Variants in NAALADL2 observed in about 807,000 individuals in gnomAD.
NAALADL2 encodes N-acetylated alpha-linked acidic dipeptidase like 2, also known as inactive N-acetylated-alpha-linked acidic dipeptidase-like protein 2.
A neutral mutation model predicts 87.2 loss-of-function variants in NAALADL2; 76 were observed. The observed-to-expected ratio is 0.87, with a 90% CI of 0.72 to 1.05. The LOEUF (loss-of-function observed/expected upper bound fraction) is 1.05, where lower values mean the gene tolerates loss of function less well. NAALADL2 is among the 50% of genes least tolerant of loss of function. The probability of loss-of-function intolerance (pLI) is 0.00; values close to 1 mark genes in which losing one functional copy is unlikely to be tolerated. For synonymous variants in NAALADL2, 354 were observed against 331.0 expected (o/e 1.07, Z -0.75); for missense variants, 1,089 against 945.8 (o/e 1.15, Z -1.99).
intron 2 of NAALADL2, among the ~76,000 whole-genome samples, chr3:175,166,913 C>T (rs1005186812): frequency 6.6e-6 from 1 of 152,100 alleles, no homozygotes; most frequent in Non-Finnish European, 1.5e-5. Context: ...TTCCACCCAG[C>T]TGCTCAGCCC....
intron 1 of NAALADL2, among the ~76,000 whole-genome samples, chr3:174,942,571 G>A (rs557514075): frequency 1.3e-5 from 2 of 152,118 alleles, no homozygotes; most frequent in Non-Finnish European, 2.9e-5. Context: ...GAATCTGACT[G>A]TTGGGCTCTA....
intron 4 of NAALADL2, among the ~76,000 whole-genome samples, chr3:175,272,409 T>C (rs1485550556): frequency 6.6e-6 from 1 of 152,182 alleles, no homozygotes; most frequent in Non-Finnish European, 1.5e-5. Context: ...ATGAGGACTG[T>C]GTAGGTCTCA....
At chr3:175,666,389 T>C (rs1463537479) in intron 11 of NAALADL2, among the ~76,000 whole-genome samples, 1 of 152,212 alleles carries the variant, frequency 6.6e-6, no homozygotes, top group Admixed American at 6.5e-5. Context: ...ATTCTAATAT[T>C]TGCACATGTT....
chr3:175,463,041 C>T (rs762756882), intron 6 of NAALADL2, among the ~76,000 whole-genome samples: 18 of 152,254 alleles, frequency 1.2e-4, no homozygotes, highest in East Asian at 1.9e-4. Flanking sequence ...ATATTTTAAT[C>T]TATTTTTTTC....
At chr3:175,392,523 A>G (rs1459242284) in intron 5 of NAALADL2, among the ~76,000 whole-genome samples, 1 of 152,156 alleles carries the variant, frequency 6.6e-6, no homozygotes, top group Non-Finnish European at 1.5e-5. Flanking sequence ...TAAAATACCT[A>G]CTTTTAGATG....
At chr3:175,132,969 G>C (rs1469842499) in intron 2 of NAALADL2, among the ~76,000 whole-genome samples, 1 of 151,512 alleles carries the variant, frequency 6.6e-6, no homozygotes, top group Non-Finnish European at 1.5e-5. Flanking sequence ...CTTCTCAGAC[G>C]GGGCGGCCGG....
chr3:175,515,798 T>C (rs1157313961), intron 9 of NAALADL2, among the ~76,000 whole-genome samples: 2 of 152,254 alleles, frequency 1.3e-5, no homozygotes, highest in South Asian at 4.1e-4. Context: ...GTTTCTCTAT[T>C]TTTTTCCTCT....
chr3:175,592,341 C>A (rs192143214), intron 10 of NAALADL2, among the ~76,000 whole-genome samples: 2 of 134,776 alleles, frequency 1.5e-5, no homozygotes, highest in African/African-American at 3.0e-5. Flanking sequence ...TACTCTATTG[C>A]TGAGTTCAAT....
chr3:175,125,042 G>GC (rs1726738323), intron 2 of NAALADL2, among the ~76,000 whole-genome samples: 1 of 151,848 alleles, frequency 6.6e-6, no homozygotes, highest in Non-Finnish European at 1.5e-5. Context: ...ACTTTCTAAT[G>GC]GAACACTCTA....
chr3:175,039,385 C>T (rs1368464714), intron 1 of NAALADL2, among the ~76,000 whole-genome samples: 2 of 152,120 alleles, frequency 1.3e-5, no homozygotes, highest in Non-Finnish European at 2.9e-5. Context: ...CCAGGCTGGT[C>T]TCGAACTCCT....
chr3:175,484,409 T>A (rs1726952803), intron 9 of NAALADL2, among the ~76,000 whole-genome samples: 1 of 152,092 alleles, frequency 6.6e-6, no homozygotes, highest in Non-Finnish European at 1.5e-5. Flanking sequence ...AAAATTGCTG[T>A]CAACATAGTT....
intron 10 of NAALADL2, among the ~76,000 whole-genome samples, chr3:175,614,736 T>C (rs1725116033): frequency 6.6e-6 from 1 of 152,204 alleles, no homozygotes; most frequent in African/African-American, 2.4e-5. Context: ...AGTGCATGCA[T>C]AAAACTCAGC....
At chr3:175,168,835 A>G (rs1157242329) in intron 2 of NAALADL2, among the ~76,000 whole-genome samples, 3 of 152,004 alleles carry the variant, frequency 2.0e-5, no homozygotes, top group African/African-American at 7.2e-5. Context: ...AATATGCGGT[A>G]GGATATCAGA....
rs866322669 is a variant in NAALADL2, at chr3:175,590,267, T to C, written c.1800+14080T>C. ...ATATATATATATATATATATATATATACCAATTATTTGTTTCAATTGATTT... is the reference window on the plus strand; with the variant it reads ...ATATATATATATATATATATATATACACCAATTATTTGTTTCAATTGATTT... On this transcript the variant is annotated intron_variant, in intron 10 of 13. Coordinates refer to ENST00000454872, the MANE Select transcript of NAALADL2 (RefSeq NM_207015.3). Among the ~76,000 whole-genome samples, 190 of 132,686 alleles carry C rather than the reference T, an allele frequency of 1.4e-3. No homozygotes were observed. In the Middle Eastern group the frequency reaches 0.024, roughly 17 times the overall value. 87.0% of individuals were successfully genotyped at this position (132,686 alleles called of 152,430 possible). A position where few individuals can be genotyped will look rare whatever the true frequency, so the allele number is the denominator to read the frequency against.
In NAALADL2 at chr3:174,554,315, A is replaced by G. The variant is rs1474914149; in HGVS notation, c.-115+3678A>G. Among the ~76,000 whole-genome samples, 3 of 152,242 alleles carry G rather than the reference A, an allele frequency of 2.0e-5. No homozygotes were observed. In the East Asian group the frequency reaches 5.8e-4, roughly 29 times the overall value. On this transcript the variant is annotated intron_variant, in intron 2 of 3. Coordinates refer to the NAALADL2 transcript ENST00000434257. ...TAGATCATGAATATTTTTCAATATT[A>G]TTAAATATTCATTTATAACAGTTTA...
intron 2 of NAALADL2, among the ~76,000 whole-genome samples, chr3:174,701,390 C>T (rs1296476231): frequency 6.6e-6 from 1 of 151,770 alleles, no homozygotes; most frequent in Non-Finnish European, 1.5e-5. Context: ...TCATTTTCAC[C>T]AAATAATATA....
At chr3:174,822,724 G>A (rs1328821719) in intron 3 of NAALADL2, among the ~76,000 whole-genome samples, 2 of 152,144 alleles carry the variant, frequency 1.3e-5, no homozygotes, top group African/African-American at 4.8e-5. Flanking sequence ...GAAAGGTATG[G>A]AAGGTATGAT....
chr3:175,515,511 A>G (rs1560687190), intron 9 of NAALADL2, among the ~76,000 whole-genome samples: 2 of 152,092 alleles, frequency 1.3e-5, no homozygotes, highest in Non-Finnish European at 1.5e-5. Flanking sequence ...AGTGTTCTGT[A>G]CATGGTCTTA....
intron 3 of NAALADL2, among the ~76,000 whole-genome samples, chr3:174,814,488 T>A (rs961136320): frequency 6.6e-6 from 1 of 152,160 alleles, no homozygotes; most frequent in East Asian, 1.9e-4. Context: ...TAATATAATT[T>A]TGTGCACTTT....
Sources: gnomAD v4.1 joint callset for allele counts (sites outside exome capture counted in the v4.1 genomes callset) on GRCh38, gnomAD v4.1.1 for gene constraint, MANE v1.5 for transcripts, NCBI Gene and HGNC (gene_info 2026-07-23, HGNC 2026-07-21) for gene names.